Variants in C12orf56 observed in about 807,000 individuals in gnomAD.
C12orf56 encodes uncharacterized protein C12orf56.
Under a neutral mutation model 69.9 loss-of-function variants are expected in C12orf56, and 71 were observed. That is an observed-to-expected ratio of 1.02 (90% CI 0.84 to 1.24). C12orf56 has a LOEUF of 1.24. C12orf56 is among the 50% of genes most tolerant of loss of function. The pLI, the probability that C12orf56 is intolerant of heterozygous loss-of-function variation, is 0.00. For synonymous variants in C12orf56, 276 were observed against 274.1 expected, an observed-to-expected ratio of 1.01 and a Z score of -0.07; for missense variants, 732 against 738.5, an observed-to-expected ratio of 0.99 and a Z score of 0.10.
chr12:64,276,817 G>A (rs10735920), intron 9 of C12orf56, among the ~76,000 whole-genome samples: 146,273 of 149,894 alleles, frequency 0.98, 71,452 homozygotes, highest in South Asian at 1. Flanking sequence ...AACATGGCAA[G>A]ACCCCATCTC....
chr12:64,312,342 C>T (rs2038629902), intron 5 of C12orf56, among the ~76,000 whole-genome samples: 3 of 151,938 alleles, frequency 2.0e-5, no homozygotes, highest in Non-Finnish European at 2.9e-5. Context: ...CACGGTGGCT[C>T]GCACATGCAA....
At chr12:64,380,937 G>C (rs1322499653) in intron 1 of C12orf56, among the ~76,000 whole-genome samples, 1 of 152,166 alleles carries the variant, frequency 6.6e-6, no homozygotes, top group Non-Finnish European at 1.5e-5. Flanking sequence ...ATGTTTCAAA[G>C]ATAACCACAA....
Position 64,270,733 on chromosome 12 carries a change from G to T in C12orf56, c.1585-19C>A. The T allele has an allele frequency of 6.3e-7, 1 of 1,584,368 alleles. No individual in the cohort carries two copies. The highest frequency in any genetic ancestry group is 8.6e-7 in the Non-Finnish European group (1 of 1,166,728). ...AAGTAATCTAGACAAGGAAAATACA[G>T]TTACATGTAGGCTGTGTGCCACCCA... On this transcript the variant is annotated intron_variant, in intron 11 of 12. Transcript: ENST00000543942.
At chr12:64,344,704 T>G (rs1257617627) in intron 2 of C12orf56, among the ~76,000 whole-genome samples, 3 of 152,136 alleles carry the variant, frequency 2.0e-5, no homozygotes, top group Admixed American at 6.5e-5. Flanking sequence ...GGTGCTGCCC[T>G]CACACATCTA....
intron 4 of C12orf56, among the ~76,000 whole-genome samples, chr12:64,314,043 CAAA>C (rs762340003): frequency 1.5e-4 from 10 of 67,080 alleles, no homozygotes; most frequent in Non-Finnish European, 1.1e-4. Flanking sequence ...AACTCTGTCT[CAAA>C]AAAAAAAAAA....
At position 64,303,724 on chromosome 12, in the gene C12orf56, C is replaced by T; in HGVS notation, c.1024G>A (p.Asp342Asn). The T allele has an allele frequency of 6.3e-7, 1 of 1,584,116 alleles. No individual in the cohort carries two copies. The highest frequency in any genetic ancestry group is 8.6e-7 in the Non-Finnish European group (1 of 1,165,420). ...GAAAGTATCCTCCTCAAAGAATTGTCTTTAAGAAAAAGTTCAGATTTAAGT... is the reference window on the plus strand; with the variant it reads ...GAAAGTATCCTCCTCAAAGAATTGTTTTTAAGAAAAAGTTCAGATTTAAGT... Reference protein sequence around the residue: ...SQLKSELFLKDNSLRRILSLL... With the variant: ...SQLKSELFLKNNSLRRILSLL... Residue 342 changes from aspartate (D) to asparagine (N), a missense_variant, in exon 6 of 13, where the codon GAC (aspartate) becomes AAC (asparagine). Transcript: ENST00000543942.
Position 64,360,525 on chromosome 12 carries a change from A to G in C12orf56, c.253-7469T>C, listed in dbSNP as rs144060078. On this transcript the variant is annotated intron_variant, in intron 1 of 12. Transcript: ENST00000543942. ...AGGTAGGTAGATAGATGATAGATAG[A>G]TGATAGATAGATAGATAGGATATTG... Among the ~76,000 whole-genome samples the G allele has an allele frequency of 2.2e-3, 339 of 152,312 alleles. 3 individuals carry two copies. Among genetic ancestry groups the G allele is most frequent in the African/African-American group, 7.9e-3 (327 of 41,570 alleles).
chr12:64,267,359 C>T (rs995059761), intron 12 of C12orf56, 71 bp from the exon 13 acceptor site: 150 of 1,160,952 alleles, frequency 1.3e-4, no homozygotes, highest in Non-Finnish European at 1.7e-4. Context: ...CACTTGAGTA[C>T]ATTCACACTC....
chr12:64,373,512 A>C (rs1358421628), intron 1 of C12orf56, among the ~76,000 whole-genome samples: 1 of 152,192 alleles, frequency 6.6e-6, no homozygotes, highest in African/African-American at 2.4e-5. Flanking sequence ...GTAGAGAAAA[A>C]TTTGGAGATC....
chr12:64,345,076 ATTG>A (rs2039122605), intron 2 of C12orf56, among the ~76,000 whole-genome samples: 1 of 152,090 alleles, frequency 6.6e-6, no homozygotes, highest in South Asian at 2.1e-4. Context: ...TGTTCTCCAG[ATTG>A]TTGTTTAAAA....
At chr12:64,348,936 A>G (rs2039184690) in intron 2 of C12orf56, among the ~76,000 whole-genome samples, 2 of 152,208 alleles carry the variant, frequency 1.3e-5, no homozygotes, top group Admixed American at 6.5e-5. Context: ...ATTGTCCACA[A>G]ATATCAAGCA....
At position 64,390,537 on chromosome 12, in the gene C12orf56, G is replaced by C; in HGVS notation, c.29C>G (p.Pro10Arg). ...ATCCAGGCGGCTGTTCCTGCGCGCG[G>C]GGAAGCCGGACGGCAAGGGGCTGGC... MASPLPSGF[P>R]ARRNSRLDVF... Residue 10 changes from proline to arginine, a missense_variant, in exon 1 of 13, where the codon CCC (proline) becomes CGC (arginine). Coordinates refer to ENST00000543942, the MANE Select transcript of C12orf56 (RefSeq NM_001170633.2). The C allele has an allele frequency of 6.3e-7, 1 of 1,595,730 alleles. No homozygotes were observed. Among genetic ancestry groups the C allele is most frequent in the Non-Finnish European group, 8.5e-7 (1 of 1,177,712 alleles).
intron 2 of C12orf56, among the ~76,000 whole-genome samples, chr12:64,341,564 A>G (rs2039074719): frequency 6.6e-6 from 1 of 152,214 alleles, no homozygotes; most frequent in African/African-American, 2.4e-5. Context: ...TTTAGCCGTA[A>G]AGTGAGTGCC....
chr12:64,390,240 G>T, intron 1 of C12orf56, 74 bp downstream of exon 1: 1 of 1,491,280 alleles, frequency 6.7e-7, no homozygotes, highest in Non-Finnish European at 8.9e-7. Flanking sequence ...CCGCGCAGGA[G>T]GGCTGGGTTT....
Position 64,376,137 on chromosome 12 carries a change from C to T in C12orf56, c.252+14177G>A, listed in dbSNP as rs1253520850. On this transcript the variant is annotated intron_variant, in intron 1 of 12. Transcript: ENST00000543942. ...CCCAATTCTTTTCCACAACAATGTC[C>T]GACTGCGCATCACACAACCAACACT... Among the ~76,000 whole-genome samples the T allele has an allele frequency of 2.0e-5, 3 of 152,292 alleles. No individual in the cohort carries two copies. In the South Asian group the frequency reaches 6.2e-4, roughly 32 times the overall value.
At position 64,267,145 on chromosome 12, in the gene C12orf56, T is replaced by C; in HGVS notation, c.*38A>G. The C allele has an allele frequency of 7.0e-7, 1 of 1,422,740 alleles. No homozygotes were observed. The highest frequency in any genetic ancestry group is 9.6e-7 in the Non-Finnish European group (1 of 1,037,850). The allele number at this position is 1,422,740 out of a possible 1,614,324, so 88.1% of individuals were successfully genotyped here. ...ATATCAAGTTGACTCTTGATTAACA[T>C]TTTATACTCTTATTAACATTGCGTA... On this transcript the variant is annotated 3_prime_UTR_variant, in exon 13 of 13. Transcript: ENST00000543942.
intron 6 of C12orf56, among the ~76,000 whole-genome samples, chr12:64,296,770 G>A (rs1592429144): frequency 6.6e-6 from 1 of 152,200 alleles, no homozygotes; most frequent in East Asian, 1.9e-4. Context: ...ACCTTTAAGA[G>A]GTTGATTGGG....
intron 1 of C12orf56, chr12:64,389,250 G>C (rs2039834938): frequency 6.6e-6 from 1 of 152,140 alleles, no homozygotes; most frequent in East Asian, 1.9e-4. Flanking sequence ...GTCTGTTGCT[G>C]GTTTACAAGG....
intron 1 of C12orf56, among the ~76,000 whole-genome samples, chr12:64,384,721 G>A (rs2039764393): frequency 6.6e-6 from 1 of 152,140 alleles, no homozygotes; most frequent in Non-Finnish European, 1.5e-5. Flanking sequence ...TGATCTGTAG[G>A]AAATTCATAG....
Sources: gnomAD v4.1 joint callset for allele counts (sites outside exome capture counted in the v4.1 genomes callset) on GRCh38, gnomAD v4.1.1 for gene constraint, MANE v1.5 for transcripts, NCBI Gene and HGNC (gene_info 2026-07-23, HGNC 2026-07-21) for gene names.